The following ACACA variants were observed in gnomAD, a reference collection of about 807,000 sequenced individuals.
ACACA encodes the protein acetyl-CoA carboxylase alpha.
Under a neutral mutation model 296.1 loss-of-function variants are expected in ACACA, and 103 were observed. The ratio of observed to expected loss-of-function variants is 0.35; its 90% CI spans 0.30 to 0.41. ACACA has a LOEUF of 0.41. ACACA is among the 10% of genes least tolerant of loss of function. The pLI, the probability that ACACA is intolerant of heterozygous loss-of-function variation, is 1.00. For missense variants in ACACA, 1,554 were observed against 2,989.7 expected, an observed-to-expected ratio of 0.52 and a Z score of 11.20; for synonymous variants, 953 against 1,038.6, an observed-to-expected ratio of 0.92 and a Z score of 1.58.
chr17:37,154,651 C>G (rs1360604809), intron 43 of ACACA, among the ~76,000 whole-genome samples: 1 of 151,960 alleles, frequency 6.6e-6, no homozygotes, highest in African/African-American at 2.4e-5. Flanking sequence ...CATGTGCCAC[C>G]AGGCCCGGCT....
chr17:37,177,396 G>A (rs997784633), intron 41 of ACACA, among the ~76,000 whole-genome samples: 2 of 151,944 alleles, frequency 1.3e-5, no homozygotes, highest in Non-Finnish European at 2.9e-5. Flanking sequence ...CTCTGTGCTT[G>A]TAATTTCAGC....
At chr17:37,365,526 C>T (rs1234683297) in intron 1 of ACACA, 1 of 985,324 alleles carries the variant, frequency 1.0e-6, no homozygotes, top group Non-Finnish European at 1.2e-6. Flanking sequence ...GGATATATAG[C>T]TGCTTTACAG....
At chr17:37,294,769 C>T (rs2083248786) in intron 3 of ACACA, among the ~76,000 whole-genome samples, 1 of 152,216 alleles carries the variant, frequency 6.6e-6, no homozygotes, top group African/African-American at 2.4e-5. Context: ...TAGGGTGTCC[C>T]CTTTGGAGAA....
At chr17:37,159,956 A>G (rs999084520) in intron 42 of ACACA, among the ~76,000 whole-genome samples, 2 of 152,226 alleles carry the variant, frequency 1.3e-5, no homozygotes, top group African/African-American at 4.8e-5. Context: ...TGCTAATGCT[A>G]TTGTCAAATA....
chr17:37,334,076 C>G, intron 2 of ACACA, among the ~76,000 whole-genome samples: 1 of 151,922 alleles, frequency 6.6e-6, no homozygotes, highest in East Asian at 1.9e-4. Context: ...CTGGAGGCCA[C>G]AGTCCTCAGG....
At chr17:37,377,873 C>T in intron 1 of ACACA, 1 of 1,612,850 alleles carries the variant, frequency 6.2e-7, no homozygotes, top group Non-Finnish European at 8.5e-7. Context: ...CTCTGCTCAC[C>T]CCCAGACCTC....
intron 1 of ACACA, among the ~76,000 whole-genome samples, chr17:37,355,806 C>T (rs978243818): frequency 2.0e-5 from 3 of 151,966 alleles, no homozygotes; most frequent in African/African-American, 4.8e-5. Context: ...TGCGGTGAAC[C>T]GAGATTGTAT....
In ACACA at chr17:37,195,745, T is replaced by C. The variant is rs867154053; in HGVS notation, c.4159-2330A>G. ...CACAGAAAACACAGAAAAGAAGAAA[T>C]CTAAAAGTCTGATCCTACAGTTTTA... On this transcript the variant is annotated intron_variant, in intron 35 of 55. Transcript: ENST00000616317. Among the ~76,000 whole-genome samples the C allele has an allele frequency of 7.2e-5, 11 of 152,146 alleles. 1 individual carries two copies. In the Middle Eastern group the frequency reaches 0.01, roughly 141 times the overall value.
intron 1 of ACACA, among the ~76,000 whole-genome samples, chr17:37,372,473 A>T (rs1427273153): frequency 6.6e-6 from 1 of 152,072 alleles, no homozygotes; most frequent in Non-Finnish European, 1.5e-5. Context: ...AAGCTAGAAG[A>T]GGCCTTGTAA....
chr17:37,182,357 A>G (rs986820751), intron 39 of ACACA, among the ~76,000 whole-genome samples: 24 of 151,668 alleles, frequency 1.6e-4, no homozygotes, highest in African/African-American at 5.6e-4. Context: ...AAAAACATAT[A>G]TATATATATA....
intron 3 of ACACA, among the ~76,000 whole-genome samples, chr17:37,298,974 A>G (rs75467193): frequency 0.011 from 1,747 of 152,308 alleles, 40 homozygotes; most frequent in African/African-American, 0.038. Context: ...AGTAAATCTG[A>G]TACATCTGAG....
At chr17:37,349,549 A>G (rs531283220) in intron 1 of ACACA, among the ~76,000 whole-genome samples, 6 of 144,052 alleles carry the variant, frequency 4.2e-5, no homozygotes, top group African/African-American at 1.0e-4. Context: ...GTGTGTGTGT[A>G]TATATATATA....
At chr17:37,260,725 A>C (rs556709617) in intron 11 of ACACA, among the ~76,000 whole-genome samples, 41 of 152,278 alleles carry the variant, frequency 2.7e-4, no homozygotes, top group African/African-American at 9.9e-4. Context: ...GAACACACTA[A>C]GAACACCAAG....
chr17:37,236,722 G>A (rs549513057), intron 24 of ACACA, among the ~76,000 whole-genome samples: 1 of 152,244 alleles, frequency 6.6e-6, no homozygotes, highest in East Asian at 1.9e-4. Context: ...CTACACAGCA[G>A]GCTGAGGCAG....
chr17:37,159,183 A>G (rs1567738992), intron 42 of ACACA, among the ~76,000 whole-genome samples: 1 of 151,956 alleles, frequency 6.6e-6, no homozygotes, highest in Non-Finnish European at 1.5e-5. Context: ...GTCTCTTAAA[A>G]AAAAAAGAGA....
In ACACA at chr17:37,115,437, A is replaced by C. The variant is rs146669569; in HGVS notation, c.6275-2172T>G. 6.9e-3 allele frequency among the ~76,000 whole-genome samples: 1,050 copies of C among 152,312 alleles called. 11 individuals carry two copies. Among genetic ancestry groups the C allele is most frequent in the African/African-American group, 0.024 (1,002 of 41,560 alleles). ...CAATGATATCATACAAAGAGAGGAA[A>C]TGAAAGGTATAGATAAAAGGAGAAA... On this transcript the variant is annotated intron_variant, in intron 50 of 55. Coordinates refer to ENST00000616317, the MANE Select transcript of ACACA (RefSeq NM_198834.3).
chr17:37,305,947 C>T (rs569377011), intron 3 of ACACA, among the ~76,000 whole-genome samples: 22 of 122,242 alleles, frequency 1.8e-4, no homozygotes, highest in Non-Finnish European at 2.8e-4. Context: ...CTTGTTCTGT[C>T]GCCCGGGCTG....
At chr17:37,243,764 C>T (rs904186926) in intron 21 of ACACA, among the ~76,000 whole-genome samples, 3 of 152,170 alleles carry the variant, frequency 2.0e-5, no homozygotes, top group African/African-American at 7.2e-5. Context: ...TAATTTTGAT[C>T]CATGTTTGGC....
chr17:37,378,439 A>G (rs981614320), intron 1 of ACACA, among the ~76,000 whole-genome samples: 2 of 152,224 alleles, frequency 1.3e-5, no homozygotes, highest in African/African-American at 4.8e-5. Context: ...TTGGCCAGGC[A>G]TGGTGGCTCA....
Sources: gnomAD v4.1 joint callset for allele counts (sites outside exome capture counted in the v4.1 genomes callset) on GRCh38, gnomAD v4.1.1 for gene constraint, MANE v1.5 for transcripts, NCBI Gene and HGNC (gene_info 2026-07-23, HGNC 2026-07-21) for gene names.